The following DISP1 variants were observed in gnomAD, a reference collection of about 807,000 sequenced individuals.
DISP1 encodes the protein dispatched RND transporter family member 1.
In DISP1, 30 loss-of-function variants were observed where a neutral mutation model predicts 37.3. The observed-to-expected ratio is 0.80, with a 90% CI of 0.60 to 1.09. DISP1 has a LOEUF of 1.09. Ranked by LOEUF, DISP1 falls within the 50% of genes least tolerant of loss-of-function variation. The pLI, the probability that DISP1 is intolerant of heterozygous loss-of-function variation, is 0.00. For missense variants in DISP1, 1,598 were observed against 1,879.5 expected (o/e 0.85, Z 2.77); for synonymous variants, 634 against 690.2 (o/e 0.92, Z 1.28).
At chr1:222,866,684 A>C (rs1669211893) in intron 1 of DISP1, among the ~76,000 whole-genome samples, 1 of 152,072 alleles carries the variant, frequency 6.6e-6, no homozygotes, top group East Asian at 1.9e-4. Context: ...GTATATTTTT[A>C]AGATAAAGAT....
intron 1 of DISP1, among the ~76,000 whole-genome samples, chr1:222,874,789 C>T (rs1669863302): frequency 6.6e-6 from 1 of 152,144 alleles, no homozygotes; most frequent in African/African-American, 2.4e-5. Context: ...CAGCTTTGTT[C>T]CGTTGCTGGT....
chr1:222,982,038 A>G (rs1677874525), intron 3 of DISP1, among the ~76,000 whole-genome samples: 1 of 152,256 alleles, frequency 6.6e-6, no homozygotes, highest in Non-Finnish European at 1.5e-5. Context: ...CATTAAAAAT[A>G]ATAAGCCCAT....
intron 8 of DISP1, 147 bp downstream of exon 8, chr1:222,995,129 C>A: frequency 1.5e-6 from 1 of 671,554 alleles, no homozygotes; most frequent in South Asian, 1.7e-5. Flanking sequence ...GCCAGCTTTG[C>A]ATTCTTTCAG....
chr1:222,914,183 T>C (rs1672366676), intron 1 of DISP1, among the ~76,000 whole-genome samples: 1 of 152,084 alleles, frequency 6.6e-6, no homozygotes, highest in South Asian at 2.1e-4. Context: ...AAAAACTCCT[T>C]TAGGGAGACT....
chr1:222,889,349 G>A (rs1020748327), intron 1 of DISP1, among the ~76,000 whole-genome samples: 1 of 152,020 alleles, frequency 6.6e-6, no homozygotes, highest in Non-Finnish European at 1.5e-5. Flanking sequence ...ACTGATTGAG[G>A]ATGGGTGATT....
chr1:222,869,895 C>A (rs918270786), intron 1 of DISP1, among the ~76,000 whole-genome samples: 1 of 151,900 alleles, frequency 6.6e-6, no homozygotes, highest in Non-Finnish European at 1.5e-5. Context: ...CCCATTAACT[C>A]GTCATTTAGC....
chr1:222,903,595 T>A (rs1671735409), intron 1 of DISP1, among the ~76,000 whole-genome samples: 1 of 152,198 alleles, frequency 6.6e-6, no homozygotes, highest in Non-Finnish European at 1.5e-5. Flanking sequence ...ATTTTTTCTT[T>A]CCCTTTGTGA....
At chr1:222,896,793 G>A (rs1275942162) in intron 1 of DISP1, among the ~76,000 whole-genome samples, 1 of 152,006 alleles carries the variant, frequency 6.6e-6, no homozygotes, top group African/African-American at 2.4e-5. Flanking sequence ...ATAAGCACAT[G>A]GAAAGATGAG....
chr1:222,934,347 A>T (rs1673585160), intron 2 of DISP1, among the ~76,000 whole-genome samples: 1 of 152,112 alleles, frequency 6.6e-6, no homozygotes, highest in Non-Finnish European at 1.5e-5. Flanking sequence ...GGCTTGACAT[A>T]GTGAGATGAT....
At chr1:222,997,649 G>A (rs1396189314) in intron 8 of DISP1, among the ~76,000 whole-genome samples, 1 of 152,202 alleles carries the variant, frequency 6.6e-6, no homozygotes, top group Admixed American at 6.5e-5. Flanking sequence ...AGGAATAGAT[G>A]TACTCTGCTT....
At chr1:222,891,501 T>C (rs1191504700) in intron 1 of DISP1, among the ~76,000 whole-genome samples, 1 of 152,082 alleles carries the variant, frequency 6.6e-6, no homozygotes, top group Non-Finnish European at 1.5e-5. Context: ...AGAATGCTTT[T>C]AGATGAGAGG....
intron 1 of DISP1, chr1:222,835,006 A>G (rs1239417442): frequency 6.6e-6 from 1 of 152,214 alleles, no homozygotes; most frequent in Non-Finnish European, 1.5e-5. Context: ...TTATTTGTAT[A>G]TCATTTGACA....
chr1:222,829,760 T>G (rs1665291366), intron 1 of DISP1, among the ~76,000 whole-genome samples: 1 of 152,146 alleles, frequency 6.6e-6, no homozygotes, highest in African/African-American at 2.4e-5. Context: ...GAAAATAACT[T>G]TAGAGCAGTA....
At chr1:222,845,387 T>C (rs954812104) in intron 1 of DISP1, among the ~76,000 whole-genome samples, 36 of 152,156 alleles carry the variant, frequency 2.4e-4, no homozygotes, top group Admixed American at 2.3e-3. Context: ...GTTCTGACAT[T>C]TAACCATAGA....
chr1:222,913,025 A>C (rs1366124012), intron 1 of DISP1, among the ~76,000 whole-genome samples: 1 of 152,232 alleles, frequency 6.6e-6, no homozygotes, highest in Non-Finnish European at 1.5e-5. Context: ...AAATGCTAAA[A>C]TGAAAACAAA....
In DISP1 at chr1:222,942,823, C is replaced by T; in HGVS notation, c.-1C>T. ...CTTACTTAGAGTCAAGAAATTGGAG[C>T]ATGGCTATGAGCAATGGAAACAATG... is the stretch of plus-strand genomic sequence containing the variant. On this transcript the variant is annotated 5_prime_UTR_variant, in exon 3 of 9. Transcript: ENST00000675850. 1 of 1,614,136 alleles carries T rather than the reference C, an allele frequency of 6.2e-7. No homozygotes were observed. Among genetic ancestry groups the T allele is most frequent in the Non-Finnish European group, 8.5e-7 (1 of 1,180,026 alleles).
At chr1:222,973,409 T>G (rs1372582567) in intron 3 of DISP1, among the ~76,000 whole-genome samples, 2 of 152,234 alleles carry the variant, frequency 1.3e-5, no homozygotes, top group African/African-American at 4.8e-5. Flanking sequence ...TTTAGTTTTC[T>G]TTTTTCATAT....
chr1:222,954,357 TA>T (rs1227138596), intron 3 of DISP1, among the ~76,000 whole-genome samples: 3 of 152,344 alleles, frequency 2.0e-5, no homozygotes, highest in Admixed American at 2.0e-4. Context: ...ACAAACCAGA[TA>T]TTCAACTGAT....
intron 1 of DISP1, among the ~76,000 whole-genome samples, chr1:222,859,730 A>G (rs1668765066): frequency 6.6e-6 from 1 of 152,226 alleles, no homozygotes; most frequent in Non-Finnish European, 1.5e-5. Context: ...AGAAAATACA[A>G]TTAGAGGAAA....
Sources: gnomAD v4.1 joint callset for allele counts (sites outside exome capture counted in the v4.1 genomes callset) on GRCh38, gnomAD v4.1.1 for gene constraint, MANE v1.5 for transcripts, NCBI Gene and HGNC (gene_info 2026-07-23, HGNC 2026-07-21) for gene names.